Variants in DNAH12 observed in about 807,000 individuals in gnomAD.
DNAH12 encodes the protein dynein axonemal heavy chain 12.
Under a neutral mutation model 371.5 loss-of-function variants are expected in DNAH12, and 285 were observed. The ratio of observed to expected loss-of-function variants is 0.77; its 90% confidence interval spans 0.70 to 0.85. The LOEUF is 0.85. Among genes scored for constraint, DNAH12 ranks in the 40% least tolerant of loss-of-function variants. DNAH12 has a pLI of 0.00. For synonymous variants in DNAH12, 1,200 were observed against 1,213.0 expected (o/e 0.99, Z 0.22); for missense variants, 3,611 against 3,689.4 (o/e 0.98, Z 0.55).
intron 39 of DNAH12, among the ~76,000 whole-genome samples, chr3:57,411,605 A>C (rs1273448893): frequency 6.6e-6 from 1 of 151,718 alleles, no homozygotes; most frequent in Non-Finnish European, 1.5e-5. Context: ...ACCCCCAATG[A>C]AATACTTAGG....
intron 69 of DNAH12, among the ~76,000 whole-genome samples, chr3:57,305,094 C>T (rs141282318): frequency 0.024 from 3,665 of 152,226 alleles, 71 homozygotes; most frequent in South Asian, 0.035. Flanking sequence ...AGCCAGAAAA[C>T]GGCACTTTCG....
At chr3:57,324,127 C>T (rs2061875982) in intron 62 of DNAH12, among the ~76,000 whole-genome samples, 1 of 152,180 alleles carries the variant, frequency 6.6e-6, no homozygotes, top group African/African-American at 2.4e-5. Flanking sequence ...TTCCATTTTG[C>T]TGATGAGGAC....
chr3:57,475,578 T>C (rs1159359203), intron 13 of DNAH12, among the ~76,000 whole-genome samples: 3 of 152,194 alleles, frequency 2.0e-5, no homozygotes, highest in African/African-American at 7.2e-5. Flanking sequence ...ACCACTTTTT[T>C]AACTGCTACA....
At chr3:57,308,360 A>G (rs1282314716) in intron 69 of DNAH12, among the ~76,000 whole-genome samples, 1 of 152,070 alleles carries the variant, frequency 6.6e-6, no homozygotes. Context: ...GTCTTTTAAA[A>G]ACACACCTCG....
At chr3:57,412,632 C>T (rs1276154445) in intron 39 of DNAH12, among the ~76,000 whole-genome samples, 1 of 151,958 alleles carries the variant, frequency 6.6e-6, no homozygotes. Flanking sequence ...GGCCAAAGAC[C>T]CTAACAGACA....
At chr3:57,332,690 C>G (rs985988739) in intron 62 of DNAH12, among the ~76,000 whole-genome samples, 1 of 152,198 alleles carries the variant, frequency 6.6e-6, no homozygotes, top group Non-Finnish European at 1.5e-5. Context: ...GTTCAGAAAT[C>G]TGCTCACAGT....
At chr3:57,504,510 A>C (rs1417446151) in intron 8 of DNAH12, among the ~76,000 whole-genome samples, 1 of 152,184 alleles carries the variant, frequency 6.6e-6, no homozygotes, top group Admixed American at 6.5e-5. Flanking sequence ...TCCTGGGCTC[A>C]GGCAATCCTC....
chr3:57,449,876 G>A (rs2065696928), intron 25 of DNAH12, among the ~76,000 whole-genome samples: 1 of 152,208 alleles, frequency 6.6e-6, no homozygotes, highest in Non-Finnish European at 1.5e-5. Context: ...AGCAAGCGAG[G>A]GCTCTGAGGA....
intron 10 of DNAH12, 116 bp downstream of exon 10, chr3:57,502,207 T>C: frequency 2.2e-6 from 3 of 1,386,192 alleles, no homozygotes; most frequent in Non-Finnish European, 1.0e-6. Flanking sequence ...ACGCCTATGC[T>C]CACTTCTGGC....
intron 43 of DNAH12, among the ~76,000 whole-genome samples, chr3:57,397,567 T>G (rs948817890): frequency 6.6e-6 from 1 of 152,144 alleles, no homozygotes; most frequent in Non-Finnish European, 1.5e-5. Flanking sequence ...GTGAGTTCCC[T>G]GGTGGGTTAG....
At chr3:57,444,841 G>A (rs879595563) in intron 28 of DNAH12, 25 bp from the exon 29 acceptor site, 13 of 1,530,412 alleles carry the variant, frequency 8.5e-6, no homozygotes, top group Non-Finnish European at 1.1e-5. Flanking sequence ...AAAGTACAAT[G>A]TTAAGTTAGT....
intron 65 of DNAH12, 79 bp downstream of exon 65, chr3:57,322,264 C>G: frequency 7.4e-7 from 1 of 1,347,014 alleles, no homozygotes; most frequent in Non-Finnish European, 9.8e-7. Context: ...GTTACAAAAG[C>G]ATTATTAAAC....
intron 35 of DNAH12, among the ~76,000 whole-genome samples, chr3:57,424,276 C>G (rs11926720): frequency 0.22 from 32,930 of 150,800 alleles, 3,823 homozygotes; most frequent in African/African-American, 0.27. Context: ...TCAAGACCAG[C>G]CTGGCCAACA....
At chr3:57,435,373 C>CAAAAAAAAAAAAAAAAAAAAA (rs34515598) in intron 30 of DNAH12, among the ~76,000 whole-genome samples, 41 of 94,734 alleles carry the variant, frequency 4.3e-4, no homozygotes, top group South Asian at 7.4e-4. Context: ...CTCTGTCTCC[C>CAAAAAAAAAAAAAAAAAAAAA]AAAAAAAAAA....
rs1364087857 is a variant in DNAH12, at chr3:57,301,882, C to G, written c.11247G>C (p.Val3749=). ...LRDLEKAIKG[V]VVMDSALEAL... ...CCTCCAATGCAGAATCCATCACAACCACACCCTTAATAGCTTTTTCAAGGT... is the reference window on the plus strand; with the variant it reads ...CCTCCAATGCAGAATCCATCACAACGACACCCTTAATAGCTTTTTCAAGGT... The change falls in exon 70 of 74, where the codon GTG becomes GTC. Residue 3749 remains valine (V), a synonymous_variant. Coordinates refer to ENST00000495027, the MANE Select transcript of DNAH12 (RefSeq NM_001366028.2). The G allele has an allele frequency of 3.9e-6, 6 of 1,551,470 alleles. No homozygotes were observed. Among genetic ancestry groups the G allele is most frequent in the Non-Finnish European group, 5.2e-6 (6 of 1,146,972 alleles).
At chr3:57,525,748 G>C (rs1216624297) in intron 2 of DNAH12, among the ~76,000 whole-genome samples, 3 of 101,170 alleles carry the variant, frequency 3.0e-5, no homozygotes, top group Admixed American at 1.1e-4. Flanking sequence ...CAAATAGTAT[G>C]TCTTATTCTT....
chr3:57,383,569 T>C (rs1381298886), intron 49 of DNAH12, among the ~76,000 whole-genome samples: 1 of 146,336 alleles, frequency 6.8e-6, no homozygotes, highest in Non-Finnish European at 1.5e-5. Context: ...GATCACAGGG[T>C]AATAAGTGAC....
At chr3:57,411,552 A>G (rs1231179667) in intron 39 of DNAH12, among the ~76,000 whole-genome samples, 3 of 68,456 alleles carry the variant, frequency 4.4e-5, no homozygotes, top group Admixed American at 1.8e-4. Context: ...AAAAAAAAAA[A>G]AAAGAAAGAA....
intron 62 of DNAH12, among the ~76,000 whole-genome samples, chr3:57,330,983 G>A (rs1462582018): frequency 1.3e-5 from 2 of 152,050 alleles, no homozygotes; most frequent in Non-Finnish European, 1.5e-5. Context: ...AATAATATAG[G>A]CTTTAATTCC....
Sources: allele counts gnomAD v4.1 joint callset (sites outside exome capture counted in the v4.1 genomes callset), GRCh38; gene constraint gnomAD v4.1.1; transcripts MANE v1.5; gene names NCBI Gene and HGNC (gene_info 2026-07-23, HGNC 2026-07-21).